COL4A4: variants seen among roughly 807,000 people sequenced by gnomAD.
The protein encoded by COL4A4 is collagen alpha-4(IV) chain.
A neutral mutation model predicts 192.9 loss-of-function variants in COL4A4; 105 were observed. That is an observed-to-expected ratio of 0.54 (90% confidence interval 0.46 to 0.64). The LOEUF (loss-of-function observed/expected upper bound fraction) is 0.64. Among genes scored for constraint, COL4A4 ranks in the 30% least tolerant of loss-of-function variants. The pLI, the probability that COL4A4 is intolerant of heterozygous loss-of-function variation, is 0.00. For synonymous variants in COL4A4, 762 were observed against 769.9 expected (o/e 0.99, Z 0.17); for missense variants, 1,967 against 2,169.3 (o/e 0.91, Z 1.85).
Position 227,008,089 on chromosome 2 carries a change from T to C in COL4A4, c.4738A>G (p.Ser1580Gly), listed in dbSNP as rs977111638. 1 of 1,613,928 alleles carries C rather than the reference T, an allele frequency of 6.2e-7. No individual in the cohort carries two copies. The highest frequency in any genetic ancestry group is 1.3e-5 in the African/African-American group (1 of 74,948). Residue 1580 changes from serine (S) to glycine (G), a missense_variant, in exon 47 of 48, where the codon AGC (serine) becomes GGC (glycine). Coordinates refer to ENST00000396625, the MANE Select transcript of COL4A4 (RefSeq NM_000092.5). ...EAPAQAVAVH[S>G]QDQSIPPCPQ... ...CATGGGGGGATGGACTGGTCCTGGCTGTGCACCGCCACCGCCTGGGCCGGG... is the reference window on the plus strand; with the variant it reads ...CATGGGGGGATGGACTGGTCCTGGCCGTGCACCGCCACCGCCTGGGCCGGG...
chr2:227,122,891 G>T (rs2061876345), intron 4 of COL4A4, among the ~76,000 whole-genome samples: 2 of 151,958 alleles, frequency 1.3e-5, no homozygotes, highest in African/African-American at 2.4e-5. Flanking sequence ...TTGAGACAGG[G>T]TCTCACTCTG....
Position 227,164,024 on chromosome 2 carries a change from G to A in COL4A4, c.-119C>T, listed in dbSNP as rs1352798107. The stretch of plus-strand genomic sequence containing the variant: ...CGCCTTACCTGTGGGGACGCCCGCA[G>A]CGCCAGGAGCTGCCGCCTTGCCACC... On this transcript the variant is annotated 5_prime_UTR_variant, in exon 1 of 48. Transcript: ENST00000396625. This position sits in a 1 kb window ranked among gnomAD's most constrained non-coding sequence, Gnocchi z 4.8. 6.6e-6 allele frequency: 1 copy of A among 152,250 alleles called. No individual in the cohort carries two copies. Among genetic ancestry groups the A allele is most frequent in the African/African-American group, 2.4e-5 (1 of 41,436 alleles). The allele number at this position is 152,250 out of a possible 1,614,324, so 9.4% of individuals were successfully genotyped here.
intron 25 of COL4A4, among the ~76,000 whole-genome samples, chr2:227,063,372 T>C (rs1005621290): frequency 6.6e-6 from 1 of 152,172 alleles, no homozygotes; most frequent in Non-Finnish European, 1.5e-5. Context: ...TTTCTTTATA[T>C]GCTCTCAGAT....
chr2:226,981,413 A>T, the COL4A4 span, among the ~76,000 whole-genome samples: 27 of 151,910 alleles, frequency 1.8e-4, no homozygotes, highest in South Asian at 4.1e-4. Flanking sequence ...AAAATTTTTT[A>T]AAAAAGGAGC....
rs768108632 is a variant in COL4A4, at chr2:227,042,206, G to T, written c.3447C>A (p.Asp1149Glu). The T allele has an allele frequency of 2.5e-6, 4 of 1,613,786 alleles. No individual in the cohort carries two copies. The highest frequency in any genetic ancestry group is 1.3e-5 in the African/African-American group (1 of 74,910). The change falls in exon 37 of 48, where the codon GAC becomes GAA. Residue 1149 changes from aspartate to glutamate, a missense_variant. Asp to Glu is a conservative substitution (Grantham distance 45). Coordinates refer to ENST00000396625, the MANE Select transcript of COL4A4 (RefSeq NM_000092.5). ...GLRGQPGEMG[D>E]PGPRGLQGDP... Reference sequence around the variant, plus strand: ...CCCCCTGGAGGCCTCTTGGCCCAGGGTCTCCCATTTCTCCTGGCTGTCCCC... The same window carrying T: ...CCCCCTGGAGGCCTCTTGGCCCAGGTTCTCCCATTTCTCCTGGCTGTCCCC...
At chr2:227,110,990 C>G (rs1355482286) in intron 9 of COL4A4, among the ~76,000 whole-genome samples, 9 of 152,206 alleles carry the variant, frequency 5.9e-5, no homozygotes, top group Non-Finnish European at 1.0e-4. Flanking sequence ...GGCAAAACTG[C>G]TCTCAATTTT....
intron 35 of COL4A4, among the ~76,000 whole-genome samples, chr2:227,044,442 G>A (rs1328997576): frequency 6.6e-6 from 1 of 151,960 alleles, no homozygotes; most frequent in Non-Finnish European, 1.5e-5. Flanking sequence ...ATGCTGGGGG[G>A]GCTATAGTCA....
At chr2:227,145,039 G>A (rs1191864975) in intron 2 of COL4A4, among the ~76,000 whole-genome samples, 1 of 152,118 alleles carries the variant, frequency 6.6e-6, no homozygotes. Flanking sequence ...GAAATAATAT[G>A]GAATATTTAG....
At chr2:226,984,616 C>T in the COL4A4 span, among the ~76,000 whole-genome samples, 9 of 152,158 alleles carry the variant, frequency 5.9e-5, no homozygotes, top group Admixed American at 2.0e-4. Context: ...TGAGCCTAGG[C>T]GGACCAGGCA....
chr2:227,045,807 TATATA>T (rs1972415958), intron 35 of COL4A4, among the ~76,000 whole-genome samples: 1 of 64,238 alleles, frequency 1.6e-5, no homozygotes, highest in Non-Finnish European at 2.8e-5. Context: ...TACACATATA[TATATA>T]TATACACATA....
At chr2:227,052,449 G>T (rs1459457957) in intron 31 of COL4A4, 37 bp from the exon 32 acceptor site, 1 of 1,172,298 alleles carries the variant, frequency 8.5e-7, no homozygotes, top group Non-Finnish European at 1.3e-6. Flanking sequence ...AAATGAACAG[G>T]AACATCACAC....
At chr2:226,979,476 C>T in the COL4A4 span, among the ~76,000 whole-genome samples, 25 of 152,126 alleles carry the variant, frequency 1.6e-4, no homozygotes, top group Non-Finnish European at 3.4e-4. Flanking sequence ...TGGAACTTCC[C>T]GAGACCCCAC....
downstream of COL4A4, among the ~76,000 whole-genome samples, chr2:226,999,766 G>T (rs77509450): frequency 0.023 from 3,474 of 152,224 alleles, 123 homozygotes; most frequent in African/African-American, 0.08. Context: ...TGGAATCTGG[G>T]ACACACACAA....
chr2:227,010,426 AG>A lies in COL4A4; in HGVS notation c.4408del (p.Leu1470SerfsTer82). The A allele has an allele frequency of 6.2e-7, 1 of 1,614,006 alleles. No homozygotes were observed. The highest frequency in any genetic ancestry group is 8.5e-7 in the Non-Finnish European group (1 of 1,179,934). Reference protein sequence around the residue: ...PGYLGGFLLVLHSQTDQEPTC... With the variant: ...PGYLGGFLLVXHSQTDQEPTC... Reference sequence around the variant, plus strand: ...GGGCTCCTGGTCCGTCTGACTGTGGAGAACCAGGAGGAAGCCACCGAGGTAT... The same window carrying A: ...GGGCTCCTGGTCCGTCTGACTGTGGAAACCAGGAGGAAGCCACCGAGGTAT... On this transcript the variant is annotated frameshift_variant, in exon 46 of 48. Coordinates refer to ENST00000396625, the MANE Select transcript of COL4A4 (RefSeq NM_000092.5). LOFTEE classifies it high-confidence loss of function.
At chr2:227,137,892 T>A (rs1322731729) in intron 4 of COL4A4, among the ~76,000 whole-genome samples, 1 of 152,180 alleles carries the variant, frequency 6.6e-6, no homozygotes, top group Non-Finnish European at 1.5e-5. Flanking sequence ...TTTACATTAA[T>A]AACCTCACAG....
the COL4A4 span, among the ~76,000 whole-genome samples, chr2:226,984,990 G>A: frequency 6.6e-6 from 1 of 151,250 alleles, no homozygotes; most frequent in African/African-American, 2.4e-5. Flanking sequence ...ACAAGTGGGG[G>A]GTTTGAGTGA....
In COL4A4 at chr2:227,134,664, C is replaced by T. The variant is rs75281933; in HGVS notation, c.192+5497G>A. ...CCATTTTTATCATGGAATGCAAGCTCTTAGGAGTATAAGGGATGAGTGAAT... is the reference window on the plus strand; with the variant it reads ...CCATTTTTATCATGGAATGCAAGCTTTTAGGAGTATAAGGGATGAGTGAAT... On this transcript the variant is annotated intron_variant, in intron 4 of 47. Coordinates refer to ENST00000396625, the MANE Select transcript of COL4A4 (RefSeq NM_000092.5). Among the ~76,000 whole-genome samples the T allele has an allele frequency of 2.3e-3, 346 of 152,268 alleles. 1 individual carries two copies. The highest frequency in any genetic ancestry group is 7.9e-3 in the African/African-American group (329 of 41,554).
intron 34 of COL4A4, among the ~76,000 whole-genome samples, chr2:227,049,318 A>C (rs960996592): frequency 1.6e-4 from 24 of 152,232 alleles, no homozygotes; most frequent in Non-Finnish European, 2.9e-4. Flanking sequence ...ACTGTTTTTG[A>C]CACAAGGTAA....
chr2:227,099,137 G>A (rs573526211), intron 18 of COL4A4, among the ~76,000 whole-genome samples: 1 of 152,264 alleles, frequency 6.6e-6, no homozygotes, highest in African/African-American at 2.4e-5. Context: ...CATGATCTCA[G>A]CTCACTGCAA....
Sources: allele counts gnomAD v4.1 joint callset (sites outside exome capture counted in the v4.1 genomes callset), GRCh38; gene constraint gnomAD v4.1.1; non-coding constraint Gnocchi (gnomAD v3.1); transcripts MANE v1.5; gene names NCBI Gene and HGNC (gene_info 2026-07-23, HGNC 2026-07-21).